The following MYOZ2 variants were observed in gnomAD, a reference collection of about 807,000 sequenced individuals.
MYOZ2 encodes the protein myozenin-2.
A neutral mutation model predicts 25.4 loss-of-function variants in MYOZ2; 19 were observed. The ratio of observed to expected loss-of-function variants is 0.75; its 90% CI spans 0.52 to 1.10. MYOZ2 has a LOEUF of 1.10. MYOZ2 is among the 50% of genes least tolerant of loss of function. The pLI, the probability that MYOZ2 is intolerant of heterozygous loss-of-function variation, is 0.00. For synonymous variants in MYOZ2, 92 were observed against 106.9 expected, an observed-to-expected ratio of 0.86 and a Z score of 0.86; for missense variants, 270 against 317.9, an observed-to-expected ratio of 0.85 and a Z score of 1.15.
chr4:119,174,743 C>A (rs961456216), intron 5 of MYOZ2, among the ~76,000 whole-genome samples: 2 of 152,140 alleles, frequency 1.3e-5, no homozygotes, highest in African/African-American at 4.8e-5. Context: ...CAGTGGCAAC[C>A]CGCTCGGGTC....
chr4:119,182,882 T>A (rs1742213647), intron 5 of MYOZ2, among the ~76,000 whole-genome samples: 1 of 152,202 alleles, frequency 6.6e-6, no homozygotes, highest in South Asian at 2.1e-4. Flanking sequence ...ACTTTCCTTT[T>A]TACAGACTAA....
At chr4:119,177,740 G>A (rs1742108644) in intron 5 of MYOZ2, among the ~76,000 whole-genome samples, 1 of 152,024 alleles carries the variant, frequency 6.6e-6, no homozygotes, top group Non-Finnish European at 1.5e-5. Context: ...CTCTCTAATT[G>A]CATACTGATT....
chr4:119,136,586 G>T lies in MYOZ2; in HGVS notation c.61G>T (p.Glu21Ter). 2 of 1,613,266 alleles carry T rather than the reference G, an allele frequency of 1.2e-6. No individual in the cohort carries two copies. Among genetic ancestry groups the T allele is most frequent in the Non-Finnish European group, 1.7e-6 (2 of 1,179,398 alleles). ...ACAGCAAGCAACAGCCATCATGAAGGAAGTCCATGGAAATGGTATCAATAA... is the reference window on the plus strand; with the variant it reads ...ACAGCAAGCAACAGCCATCATGAAGTAAGTCCATGGAAATGGTATCAATAA... ...RKQQATAIMK[E>*]VHGNDVDGMD... The change falls in exon 2 of 6, where the codon GAA becomes TAA. Residue 21 changes from glutamate to a stop codon, truncating the protein, a stop_gained. Transcript: ENST00000307128. LOFTEE classifies it high-confidence loss of function.
chr4:119,176,276 A>G (rs943976822), intron 5 of MYOZ2, among the ~76,000 whole-genome samples: 6 of 152,096 alleles, frequency 3.9e-5, no homozygotes, highest in African/African-American at 1.4e-4. Flanking sequence ...GCTGGAGTGC[A>G]GTGGTGTGAT....
At chr4:119,162,502 C>A (rs1483369741) in intron 4 of MYOZ2, among the ~76,000 whole-genome samples, 1 of 152,100 alleles carries the variant, frequency 6.6e-6, no homozygotes, top group Non-Finnish European at 1.5e-5. Context: ...TGGACCTGAC[C>A]CAGGGCAGGA....
intron 5 of MYOZ2, among the ~76,000 whole-genome samples, chr4:119,166,812 G>T (rs925146471): frequency 2.0e-5 from 3 of 152,118 alleles, no homozygotes; most frequent in Non-Finnish European, 4.4e-5. Flanking sequence ...CCTGTGATCA[G>T]CAATCTTAGA....
Position 119,164,353 on chromosome 4 carries a change from T to C in MYOZ2, c.519T>C (p.Pro173=), listed in dbSNP as rs749569189. The C allele has an allele frequency of 7.4e-6, 12 of 1,614,108 alleles. No homozygotes were observed. In the Admixed American group the frequency reaches 1.8e-4, roughly 25 times the overall value. ...CTTTATATCCTAAACTTTTCAAGCC[T>C]GAAGGAAAGGCAGAACTGCCTGATT... ...LEALYPKLFK[P]EGKAELPDYR... The change falls in exon 5 of 6, where the codon CCT becomes CCC. Residue 173 remains proline, a synonymous_variant. Coordinates refer to ENST00000307128, the MANE Select transcript of MYOZ2 (RefSeq NM_016599.5).
intron 5 of MYOZ2, among the ~76,000 whole-genome samples, chr4:119,175,445 C>G (rs532581574): frequency 6.6e-6 from 1 of 152,114 alleles, no homozygotes; most frequent in African/African-American, 2.4e-5. Flanking sequence ...TCTATTGCAT[C>G]TAATGGATAA....
At chr4:119,176,024 T>C (rs1233815317) in intron 5 of MYOZ2, among the ~76,000 whole-genome samples, 1 of 152,204 alleles carries the variant, frequency 6.6e-6, no homozygotes, top group Non-Finnish European at 1.5e-5. Context: ...TAGGCTCCTC[T>C]GCACTCAGGA....
At chr4:119,143,666 G>A (rs374535767) in intron 2 of MYOZ2, among the ~76,000 whole-genome samples, 7 of 152,000 alleles carry the variant, frequency 4.6e-5, no homozygotes, top group Admixed American at 2.6e-4. Flanking sequence ...ATAGTTTCTC[G>A]GCCCTAAAAA....
At chr4:119,180,992 C>T (rs1051234080) in intron 5 of MYOZ2, among the ~76,000 whole-genome samples, 2 of 152,134 alleles carry the variant, frequency 1.3e-5, no homozygotes, top group African/African-American at 4.8e-5. Context: ...AATATAAGTC[C>T]ATGCATATCT....
intron 5 of MYOZ2, among the ~76,000 whole-genome samples, chr4:119,174,520 T>A (rs1452374679): frequency 6.6e-6 from 1 of 152,136 alleles, no homozygotes; most frequent in East Asian, 1.9e-4. Flanking sequence ...ATCCACACTC[T>A]GTATCTAGCT....
intron 2 of MYOZ2, among the ~76,000 whole-genome samples, chr4:119,146,579 T>C (rs1003960923): frequency 3.9e-5 from 6 of 152,154 alleles, no homozygotes; most frequent in African/African-American, 1.4e-4. Flanking sequence ...TTTATTGTGA[T>C]CAGCGCTAAC....
At position 119,175,709 on chromosome 4, in the gene MYOZ2, C is replaced by A. The variant is rs553319903; in HGVS notation, c.561-10257C>A. Among the ~76,000 whole-genome samples, 15 of 151,782 alleles carry A rather than the reference C, an allele frequency of 9.9e-5. No individual in the cohort carries two copies. The South Asian group carries it at 3.1e-3, about 32-fold the overall frequency. Reference sequence around the variant, plus strand: ...AGAGGTTGCTGTGAGTAGAGATTGTCCCACTGCACTCCAGCCTGGGTGACA... The same window carrying A: ...AGAGGTTGCTGTGAGTAGAGATTGTACCACTGCACTCCAGCCTGGGTGACA... On this transcript the variant is annotated intron_variant, in intron 5 of 5. Transcript: ENST00000307128.
At chr4:119,157,318 T>C (rs1741601537) in intron 3 of MYOZ2, among the ~76,000 whole-genome samples, 1 of 152,168 alleles carries the variant, frequency 6.6e-6, no homozygotes, top group African/African-American at 2.4e-5. Flanking sequence ...ACGATGTCTA[T>C]TTTTTTCTTA....
intron 2 of MYOZ2, among the ~76,000 whole-genome samples, chr4:119,150,537 T>C (rs145205190): frequency 3.1e-5 from 4 of 127,310 alleles, no homozygotes; most frequent in Non-Finnish European, 5.6e-5. Context: ...AATGTAACTA[T>C]GAAGCCATGC....
Position 119,162,087 on chromosome 4 carries a change from G to A in MYOZ2, c.377-2124G>A, listed in dbSNP as rs564494188. On this transcript the variant is annotated intron_variant, in intron 4 of 5. Transcript: ENST00000307128. The stretch of plus-strand genomic sequence containing the variant: ...ACACAGGAAAGAGAACTCTTTCCTC[G>A]GGGAGGTAGGAATGGCTGCATAGAA... 1.7e-3 allele frequency among the ~76,000 whole-genome samples: 265 copies of A among 152,136 alleles called. 1 individual carries two copies. The highest frequency in any genetic ancestry group is 3.4e-3 in the Middle Eastern group (1 of 292).
At chr4:119,146,639 C>G (rs1287999002) in intron 2 of MYOZ2, among the ~76,000 whole-genome samples, 1 of 151,992 alleles carries the variant, frequency 6.6e-6, no homozygotes, top group Non-Finnish European at 1.5e-5. Flanking sequence ...TTTTATAGCC[C>G]AGGATATGGT....
chr4:119,147,765 T>G (rs72910519), intron 2 of MYOZ2, among the ~76,000 whole-genome samples: 37,330 of 145,176 alleles, frequency 0.26, 5,003 homozygotes, highest in South Asian at 0.37. Flanking sequence ...AAATCTACTT[T>G]GATGTCTTTT....
Sources: allele counts gnomAD v4.1 joint callset (sites outside exome capture counted in the v4.1 genomes callset), GRCh38; gene constraint gnomAD v4.1.1; transcripts MANE v1.5; gene names NCBI Gene and HGNC (gene_info 2026-07-23, HGNC 2026-07-21).